Variants in CIMAP1D observed in about 807,000 individuals in gnomAD.
CIMAP1D encodes CIMAP1 family member D, also known as protein CIMAP1D.
the CIMAP1D span, among the ~76,000 whole-genome samples, chr19:473,931 C>T: frequency 5.2e-5 from 7 of 134,474 alleles, no homozygotes; most frequent in Admixed American, 7.9e-5. Context: ...CAGAGATACA[C>T]GGTCACAGAT....
the CIMAP1D span, among the ~76,000 whole-genome samples, chr19:484,390 C>A: frequency 0.056 from 8,462 of 152,192 alleles, 389 homozygotes; most frequent in African/African-American, 0.13. Flanking sequence ...ATCCGCCCGC[C>A]TTGGCCTCCT....
chr19:471,298 G>C, the CIMAP1D span, among the ~76,000 whole-genome samples: 1 of 151,320 alleles, frequency 6.6e-6, no homozygotes, highest in Admixed American at 6.6e-5. Flanking sequence ...ACAGGCGCCT[G>C]CAACCACGCC....
the CIMAP1D span, among the ~76,000 whole-genome samples, chr19:482,222 A>G: frequency 1.3e-5 from 2 of 152,216 alleles, no homozygotes; most frequent in African/African-American, 4.8e-5. Flanking sequence ...TCTTCTTTTA[A>G]TGCTGTCCTC....
At chr19:472,531 T>C in the CIMAP1D span, 3 of 1,452,644 alleles carry the variant, frequency 2.1e-6, no homozygotes, top group Admixed American at 4.3e-5. Context: ...GGTCACCTCC[T>C]GGGCCCAGAT....
chr19:467,719 G>T, the CIMAP1D span: 1 of 1,611,220 alleles, frequency 6.2e-7, no homozygotes, highest in Admixed American at 1.7e-5. Context: ...TGACTTTGGG[G>T]TCCAAGAAGT....
At chr19:464,424 T>TGGGGAGCCAGGCCG in the CIMAP1D span, 4 of 998,850 alleles carry the variant, frequency 4.0e-6, no homozygotes, top group African/African-American at 1.6e-5. Context: ...AGACCCGGCC[T>TGGGGAGCCAGGCCG]GGCTCCCCAT....
the CIMAP1D span, chr19:489,208 G>C: frequency 6.6e-6 from 1 of 152,090 alleles, no homozygotes; most frequent in South Asian, 2.1e-4. Flanking sequence ...CGGCTGGTCA[G>C]CTGCGCCCTG....
chr19:485,322 C>T, the CIMAP1D span, among the ~76,000 whole-genome samples: 3 of 152,224 alleles, frequency 2.0e-5, no homozygotes, highest in Non-Finnish European at 2.9e-5. Context: ...AGGAGCCGGG[C>T]GTGCCCGAGC....
the CIMAP1D span, among the ~76,000 whole-genome samples, chr19:480,493 AGG>A: frequency 3.2e-3 from 474 of 150,412 alleles, 5 homozygotes; most frequent in African/African-American, 9.0e-3. Context: ...GATGATGGTA[AGG>A]ATGATGGAGA....
chr19:486,469 CT>C, the CIMAP1D span, among the ~76,000 whole-genome samples: 1,475 of 152,110 alleles, frequency 9.7e-3, 5 homozygotes, highest in Middle Eastern at 0.027. Context: ...GAGATGGAGT[CT>C]TGCTCTATCA....
chr19:484,233 CG>C, the CIMAP1D span, among the ~76,000 whole-genome samples: 3 of 151,198 alleles, frequency 2.0e-5, no homozygotes, highest in African/African-American at 4.9e-5. Context: ...CTCTGCCTCC[CG>C]GGCTCAAGCG....
the CIMAP1D span, among the ~76,000 whole-genome samples, chr19:471,906 C>A: frequency 6.6e-6 from 1 of 152,122 alleles, no homozygotes; most frequent in African/African-American, 2.4e-5. Flanking sequence ...CCACGCCCGG[C>A]TAATTTTTCT....
chr19:488,890 G>A, the CIMAP1D span, among the ~76,000 whole-genome samples: 1 of 152,072 alleles, frequency 6.6e-6, no homozygotes, highest in African/African-American at 2.4e-5. Context: ...CGCAAGGGCA[G>A]CCGGGGCGCC....
the CIMAP1D span, chr19:490,182 C>T: frequency 2.9e-6 from 1 of 341,942 alleles, no homozygotes. Flanking sequence ...ATGGCAAAAC[C>T]TCGTCTCTAC....
the CIMAP1D span, among the ~76,000 whole-genome samples, chr19:465,932 ATGGTT>A: frequency 1.3e-5 from 1 of 75,206 alleles, no homozygotes; most frequent in African/African-American, 4.4e-5. Flanking sequence ...GGATGGGTGG[ATGGTT>A]GGGTGGGTGG....
chr19:464,952 A>G, the CIMAP1D span, among the ~76,000 whole-genome samples: 1 of 138,776 alleles, frequency 7.2e-6, no homozygotes, highest in Non-Finnish European at 1.6e-5. Context: ...AGGTAGAAGG[A>G]AAAAAGGAAG....
At chr19:473,505 G>C in the CIMAP1D span, among the ~76,000 whole-genome samples, 9 of 34,086 alleles carry the variant, frequency 2.6e-4, no homozygotes, top group Non-Finnish European at 3.5e-4. Flanking sequence ...GAAACTGAGG[G>C]CCAGGCAGAG....
At chr19:481,905 A>G in the CIMAP1D span, among the ~76,000 whole-genome samples, 2 of 151,252 alleles carry the variant, frequency 1.3e-5, no homozygotes, top group African/African-American at 4.9e-5. Context: ...CCTCTGGAGT[A>G]GCTAGGACTA....
At chr19:464,140 C>CGGGGGGGGTGGGGGGGGGGGGGG in the CIMAP1D span, 1 of 796,576 alleles carries the variant, frequency 1.3e-6, no homozygotes, top group Non-Finnish European at 1.5e-6. Context: ...GGGGGGCGGG[C>CGGGGGGGGTGGGGGGGGGGGGGG]GGGGGGGGTG....
Sources: gnomAD v4.1 joint callset for allele counts (sites outside exome capture counted in the v4.1 genomes callset) on GRCh38, gnomAD v4.1.1 for gene constraint, MANE v1.5 for transcripts, NCBI Gene and HGNC (gene_info 2026-07-23, HGNC 2026-07-21) for gene names.